The following SORCS3 variants were observed in gnomAD, a reference collection of about 807,000 sequenced individuals.
SORCS3 encodes the protein sortilin related VPS10 domain containing receptor 3.
A neutral mutation model predicts 146.3 loss-of-function variants in SORCS3; 57 were observed. The observed-to-expected ratio is 0.39, with a 90% CI of 0.31 to 0.49. SORCS3 has a LOEUF of 0.49. Ranked by LOEUF, SORCS3 falls within the 20% of genes least tolerant of loss-of-function variation. The probability of loss-of-function intolerance (pLI) is 0.92; values close to 1 mark genes in which losing one functional copy is unlikely to be tolerated. For synonymous variants in SORCS3, 653 were observed against 618.5 expected (o/e 1.06, Z -0.83); for missense variants, 1,341 against 1,575.5 (o/e 0.85, Z 2.52).
chr10:105,037,955 A>G (rs2055316849), intron 4 of SORCS3, among the ~76,000 whole-genome samples: 2 of 152,230 alleles, frequency 1.3e-5, no homozygotes, highest in African/African-American at 4.8e-5. Flanking sequence ...TGGCAGGCCA[A>G]TGTAATTAGG....
At chr10:105,054,007 AAAG>A (rs1295659128) in intron 5 of SORCS3, among the ~76,000 whole-genome samples, 2 of 152,138 alleles carry the variant, frequency 1.3e-5, no homozygotes, top group African/African-American at 2.4e-5. Flanking sequence ...AATTTAATTT[AAAG>A]AAGTAGTCCA....
At chr10:105,033,762 G>C (rs2055286284) in intron 4 of SORCS3, among the ~76,000 whole-genome samples, 1 of 152,058 alleles carries the variant, frequency 6.6e-6, no homozygotes, top group Non-Finnish European at 1.5e-5. Flanking sequence ...GACTTCCTAT[G>C]GTTTTATAAT....
intron 5 of SORCS3, among the ~76,000 whole-genome samples, chr10:105,088,936 A>G (rs1376612649): frequency 6.6e-6 from 1 of 152,218 alleles, no homozygotes; most frequent in East Asian, 1.9e-4. Context: ...GACTATAAGT[A>G]AGAGCTTGCC....
intron 5 of SORCS3, among the ~76,000 whole-genome samples, chr10:105,068,654 T>C (rs1252123245): frequency 6.6e-6 from 1 of 152,242 alleles, no homozygotes; most frequent in Non-Finnish European, 1.5e-5. Flanking sequence ...TAGTGAGTCA[T>C]GATTCCTTGT....
intron 2 of SORCS3, among the ~76,000 whole-genome samples, chr10:104,882,581 C>A (rs548648316): frequency 6.6e-6 from 1 of 152,196 alleles, no homozygotes; most frequent in African/African-American, 2.4e-5. Context: ...GAACCTGAGG[C>A]CCACAGAGAG....
At chr10:104,867,625 A>G (rs756274031) in intron 2 of SORCS3, among the ~76,000 whole-genome samples, 9 of 152,124 alleles carry the variant, frequency 5.9e-5, no homozygotes, top group Non-Finnish European at 1.0e-4. Flanking sequence ...ACAATATTTA[A>G]GGAAGCATTC....
At chr10:104,724,146 C>A (rs1231565771) in intron 1 of SORCS3, among the ~76,000 whole-genome samples, 1 of 152,162 alleles carries the variant, frequency 6.6e-6, no homozygotes, top group East Asian at 1.9e-4. Flanking sequence ...GTGCTTCCTT[C>A]AGGAGCTCTT....
chr10:105,260,466 T>C lies in SORCS3; in HGVS notation c.3444-1865T>C, dbSNP rs189305802. Among the ~76,000 whole-genome samples, 32 of 152,346 alleles carry C rather than the reference T, an allele frequency of 2.1e-4. 1 individual carries two copies. Among genetic ancestry groups the C allele is most frequent in the Admixed American group, 1.4e-3 (22 of 15,300 alleles). On this transcript the variant is annotated intron_variant, in intron 25 of 26. Coordinates refer to ENST00000369701, the MANE Select transcript of SORCS3 (RefSeq NM_014978.3). Reference sequence around the variant, plus strand: ...AGAGAGCCTAGTGTGCTGCCTCACATGGATGCTGTTCACTTTGGGTTCTTG... The same window carrying C: ...AGAGAGCCTAGTGTGCTGCCTCACACGGATGCTGTTCACTTTGGGTTCTTG...
At chr10:105,127,958 A>G (rs1042636463) in intron 7 of SORCS3, among the ~76,000 whole-genome samples, 2 of 152,168 alleles carry the variant, frequency 1.3e-5, no homozygotes, top group Non-Finnish European at 2.9e-5. Flanking sequence ...TCTGGCGTAG[A>G]CACTTTAGGC....
chr10:104,849,186 G>A (rs1221592683), intron 2 of SORCS3, among the ~76,000 whole-genome samples: 4 of 152,028 alleles, frequency 2.6e-5, no homozygotes, highest in Admixed American at 2.0e-4. Flanking sequence ...TCAGGCGGGT[G>A]GATTACCTGA....
intron 11 of SORCS3, among the ~76,000 whole-genome samples, chr10:105,160,441 A>G (rs2056252456): frequency 1.3e-5 from 2 of 152,186 alleles, no homozygotes; most frequent in African/African-American, 4.8e-5. Flanking sequence ...AGCCTGGACA[A>G]CATGGTGAAA....
intron 5 of SORCS3, among the ~76,000 whole-genome samples, chr10:105,051,168 A>G (rs921621137): frequency 1.6e-4 from 24 of 152,184 alleles, no homozygotes; most frequent in Non-Finnish European, 3.1e-4. Context: ...ATGTACATAT[A>G]CACACACAAG....
At chr10:104,785,976 G>A (rs1347868761) in intron 1 of SORCS3, among the ~76,000 whole-genome samples, 4 of 152,148 alleles carry the variant, frequency 2.6e-5, no homozygotes, top group Non-Finnish European at 4.4e-5. Context: ...GAGTTTACAG[G>A]ACACTTCTTG....
At chr10:105,252,992 A>T (rs1424330680) in intron 23 of SORCS3, 86 bp downstream of exon 23, 1 of 1,491,540 alleles carries the variant, frequency 6.7e-7, no homozygotes, top group African/African-American at 1.4e-5. Context: ...AGAAAGGGAG[A>T]CAGGCTCTCT....
At chr10:104,721,639 C>G (rs2133445354) in intron 1 of SORCS3, among the ~76,000 whole-genome samples, 2 of 152,236 alleles carry the variant, frequency 1.3e-5, no homozygotes, top group South Asian at 2.1e-4. Context: ...TGTTTGTATT[C>G]TCTTTTATTT....
intron 3 of SORCS3, among the ~76,000 whole-genome samples, chr10:104,958,612 A>G (rs530535638): frequency 6.6e-6 from 1 of 152,304 alleles, no homozygotes; most frequent in South Asian, 2.1e-4. Flanking sequence ...GGAAGGGGCC[A>G]GGAGCCAAGG....
chr10:105,204,171 T>A (rs2056589219), intron 16 of SORCS3, among the ~76,000 whole-genome samples: 1 of 152,122 alleles, frequency 6.6e-6, no homozygotes, highest in Non-Finnish European at 1.5e-5. Flanking sequence ...AATGTCAGGA[T>A]CTTTATTATT....
At chr10:104,978,465 T>C (rs2054914758) in intron 4 of SORCS3, among the ~76,000 whole-genome samples, 1 of 152,236 alleles carries the variant, frequency 6.6e-6, no homozygotes, top group Non-Finnish European at 1.5e-5. Context: ...CAATGTATTC[T>C]AGAAATGAAC....
chr10:104,923,250 G>A (rs566944036), intron 3 of SORCS3, among the ~76,000 whole-genome samples: 9 of 152,308 alleles, frequency 5.9e-5, no homozygotes, highest in African/African-American at 1.9e-4. Flanking sequence ...TTTAATTTCT[G>A]TGGCTCATTG....
Sources: allele counts gnomAD v4.1 joint callset (sites outside exome capture counted in the v4.1 genomes callset), GRCh38; gene constraint gnomAD v4.1.1; transcripts MANE v1.5; gene names NCBI Gene and HGNC (gene_info 2026-07-23, HGNC 2026-07-21).